Variants in CCSER1 observed in about 807,000 individuals in gnomAD.
The protein encoded by CCSER1 is coiled-coil serine rich protein 1, also known as serine-rich coiled-coil domain-containing protein 1.
A neutral mutation model predicts 82.0 loss-of-function variants in CCSER1; 41 were observed. The observed-to-expected ratio is 0.50, with a 90% CI of 0.39 to 0.65. The LOEUF (loss-of-function observed/expected upper bound fraction) is 0.65. Ranked by LOEUF, CCSER1 falls within the 30% of genes least tolerant of loss-of-function variation. The pLI is 0.00. For missense variants in CCSER1, 1,119 were observed against 1,064.2 expected, an observed-to-expected ratio of 1.05 and a Z score of -0.72; for synonymous variants, 414 against 383.9, an observed-to-expected ratio of 1.08 and a Z score of -0.92.
At chr4:91,177,278 C>T (rs1286524134) in intron 10 of CCSER1, among the ~76,000 whole-genome samples, 2 of 152,120 alleles carry the variant, frequency 1.3e-5, no homozygotes, top group Non-Finnish European at 2.9e-5. Context: ...GTCTAAAATT[C>T]TCTTTTTCTG....
intron 9 of CCSER1, among the ~76,000 whole-genome samples, chr4:91,077,484 G>T (rs901677150): frequency 2.6e-5 from 4 of 152,150 alleles, no homozygotes; most frequent in Non-Finnish European, 4.4e-5. Context: ...AAACAGACCT[G>T]GAAATGACAG....
intron 3 of CCSER1, among the ~76,000 whole-genome samples, chr4:90,328,744 C>T (rs1477701080): frequency 6.6e-6 from 1 of 152,100 alleles, no homozygotes; most frequent in Non-Finnish European, 1.5e-5. Context: ...TGCTTTGTCT[C>T]CTTCAGAGCT....
chr4:91,399,372 G>A (rs1264854857), intron 10 of CCSER1, among the ~76,000 whole-genome samples: 2 of 151,722 alleles, frequency 1.3e-5, no homozygotes, highest in South Asian at 4.1e-4. Context: ...TATGTGCCAA[G>A]GTGTCCTAAT....
chr4:90,847,831 G>C lies in CCSER1; in HGVS notation c.2094+31986G>C, dbSNP rs185521608. Reference sequence around the variant, plus strand: ...TTAGATTTTTTGTTTTGATTTGATTGCTGTTTTACTTTTTGCTATAGATAT... The same window carrying C: ...TTAGATTTTTTGTTTTGATTTGATTCCTGTTTTACTTTTTGCTATAGATAT... On this transcript the variant is annotated intron_variant, in intron 8 of 10. Transcript: ENST00000509176. 2.2e-3 allele frequency among the ~76,000 whole-genome samples: 333 copies of C among 152,074 alleles called. 5 individuals carry two copies. Among genetic ancestry groups the C allele is most frequent in the Non-Finnish European group, 1.4e-3 (95 of 67,972 alleles).
At chr4:90,369,182 A>G (rs1164432502) in intron 3 of CCSER1, among the ~76,000 whole-genome samples, 1 of 132,534 alleles carries the variant, frequency 7.5e-6, no homozygotes, top group Non-Finnish European at 1.6e-5. Flanking sequence ...AAGGAGAAGG[A>G]CAAAGATTAG....
intron 7 of CCSER1, among the ~76,000 whole-genome samples, chr4:90,760,818 G>A (rs551943207): frequency 2.0e-4 from 31 of 152,124 alleles, no homozygotes; most frequent in African/African-American, 7.2e-4. Context: ...AACAAATACG[G>A]CCAACAAAGT....
At chr4:90,208,430 T>C (rs775267958) in intron 1 of CCSER1, among the ~76,000 whole-genome samples, 12 of 152,008 alleles carry the variant, frequency 7.9e-5, no homozygotes, top group Non-Finnish European at 1.6e-4. Flanking sequence ...GGATCTTAGC[T>C]TGCTGGGCTC....
chr4:91,353,744 G>GT (rs112297044), intron 10 of CCSER1, among the ~76,000 whole-genome samples: 3,007 of 152,230 alleles, frequency 0.02, 92 homozygotes, highest in African/African-American at 0.067. Context: ...TAGCGATGAA[G>GT]TTTTTTTATC....
At chr4:90,175,901 A>G (rs1732574143) in intron 1 of CCSER1, among the ~76,000 whole-genome samples, 1 of 152,016 alleles carries the variant, frequency 6.6e-6, no homozygotes, top group Non-Finnish European at 1.5e-5. Context: ...GAAAATGTAT[A>G]TAAACAAAAT....
chr4:90,431,925 T>A (rs1758322735), intron 4 of CCSER1, among the ~76,000 whole-genome samples: 1 of 152,072 alleles, frequency 6.6e-6, no homozygotes, highest in South Asian at 2.1e-4. Flanking sequence ...CCTCTGTCCA[T>A]GGACACTAAT....
intron 10 of CCSER1, among the ~76,000 whole-genome samples, chr4:91,414,892 G>T (rs186379554): frequency 6.6e-6 from 1 of 152,226 alleles, no homozygotes; most frequent in Admixed American, 6.5e-5. Context: ...GTATAAGTAA[G>T]TGCATCATAT....
intron 1 of CCSER1, among the ~76,000 whole-genome samples, chr4:90,225,188 CTGAG>C (rs1560828069): frequency 6.6e-6 from 1 of 151,282 alleles, no homozygotes; most frequent in South Asian, 2.1e-4. Context: ...ACTTGGACTC[CTGAG>C]TATTTGGGAC....
At chr4:90,641,495 A>G (rs1435456603) in intron 6 of CCSER1, among the ~76,000 whole-genome samples, 1 of 152,104 alleles carries the variant, frequency 6.6e-6, no homozygotes, top group Non-Finnish European at 1.5e-5. Flanking sequence ...TTTCTTATGT[A>G]TGTGAAATCT....
At chr4:91,110,241 A>C (rs1443041556) in intron 10 of CCSER1, among the ~76,000 whole-genome samples, 1 of 152,052 alleles carries the variant, frequency 6.6e-6, no homozygotes, top group Non-Finnish European at 1.5e-5. Flanking sequence ...GTCAGTGAGC[A>C]ATGTGATGTT....
At chr4:90,704,450 G>T (rs972023847) in intron 6 of CCSER1, among the ~76,000 whole-genome samples, 13 of 152,050 alleles carry the variant, frequency 8.5e-5, no homozygotes, top group East Asian at 7.7e-4. Flanking sequence ...CAATTATGTG[G>T]CTTGAAGTTG....
At chr4:90,310,842 A>G (rs2035127) in intron 2 of CCSER1, among the ~76,000 whole-genome samples, 4,810 of 152,196 alleles carry the variant, frequency 0.032, 199 homozygotes, top group African/African-American at 0.096. Flanking sequence ...TAGAATTTCA[A>G]AGTTTTAAAT....
At chr4:90,476,032 GTGTGTGTGTGTGTA>G (rs1765042160) in intron 5 of CCSER1, among the ~76,000 whole-genome samples, 2 of 148,546 alleles carry the variant, frequency 1.3e-5, no homozygotes, top group Admixed American at 1.3e-4. Context: ...GTGTGTGTGT[GTGTGTGTGTGTGTA>G]TGTGTGTGTG....
At chr4:90,794,178 T>A (rs1186385052) in intron 7 of CCSER1, among the ~76,000 whole-genome samples, 1 of 152,246 alleles carries the variant, frequency 6.6e-6, no homozygotes, top group Non-Finnish European at 1.5e-5. Flanking sequence ...TAGATGCCAT[T>A]TGTCCATTTT....
chr4:91,027,126 G>A (rs1447108733), intron 9 of CCSER1, among the ~76,000 whole-genome samples: 1 of 151,960 alleles, frequency 6.6e-6, no homozygotes, highest in Non-Finnish European at 1.5e-5. Flanking sequence ...GGGCTGCCAG[G>A]TAAAATGGAG....
Sources: allele counts gnomAD v4.1 joint callset (sites outside exome capture counted in the v4.1 genomes callset), GRCh38; gene constraint gnomAD v4.1.1; transcripts MANE v1.5; gene names NCBI Gene and HGNC (gene_info 2026-07-23, HGNC 2026-07-21).